Variants in CFAP47 observed in about 807,000 individuals in gnomAD.
CFAP47 encodes cilia- and flagella-associated protein 47.
Under a neutral mutation model 148.1 loss-of-function variants are expected in CFAP47, and 29 were observed. The observed-to-expected ratio is 0.20, with a 90% CI of 0.15 to 0.27. The LOEUF (loss-of-function observed/expected upper bound fraction) is 0.27, where lower values mean the gene tolerates loss of function less well. Ranked by LOEUF, CFAP47 falls within the 10% of genes least tolerant of loss-of-function variation. The pLI is 1.00. For missense variants in CFAP47, 1,872 were observed against 1,697.5 expected (o/e 1.10, Z -1.81); for synonymous variants, 664 against 577.3 (o/e 1.15, Z -2.15).
At chrX:36,190,996 G>T (rs893066616) in intron 42 of CFAP47, among the ~76,000 whole-genome samples, 1 of 111,534 alleles carries the variant, frequency 9.0e-6, no homozygotes, top group Non-Finnish European at 1.9e-5. Context: ...AAGAGGTATT[G>T]TACTTACCTG....
At chrX:36,340,947 G>A (rs73631104) in intron 57 of CFAP47, among the ~76,000 whole-genome samples, 2,054 of 109,792 alleles carry the variant, frequency 0.019, 46 homozygotes, top group African/African-American at 0.064. Flanking sequence ...ATAAAAACAA[G>A]TATTCTTAAT....
At chrX:36,085,642 C>T (rs973166581) in intron 30 of CFAP47, 104 bp downstream of exon 30, 54 of 173,472 alleles carry the variant, frequency 3.1e-4, no homozygotes, top group Non-Finnish European at 5.7e-4. Flanking sequence ...TCTAACCAAA[C>T]ACACACACAC....
intron 26 of CFAP47, among the ~76,000 whole-genome samples, chrX:36,054,639 A>G (rs1344180749): frequency 8.9e-6 from 1 of 111,877 alleles, no homozygotes; most frequent in Admixed American, 9.5e-5. Flanking sequence ...ATAGAAACCA[A>G]TATAAAAAAT....
rs1188987905 is a variant in CFAP47 at position 35,960,380 on chromosome X, G to GAAAAAAAAAAAAAAAAA, written c.1410+4195_1410+4211dup. Among the ~76,000 whole-genome samples, 37 of 15,482 alleles carry GAAAAAAAAAAAAAAAAA rather than the reference G, an allele frequency of 2.4e-3. 7 individuals are homozygous for GAAAAAAAAAAAAAAAAA. The highest frequency in any genetic ancestry group is 8.1e-3 in the African/African-American group (31 of 3,812). The allele number at this position is 15,482 out of a possible 115,157, so 13.4% of individuals were successfully genotyped here. ...CTTTAACATTAGCTTGCTAATTTCTGAAAAAAAAAAAAAAAAAAAAAAAAA... is the reference window on the plus strand; with the variant it reads ...CTTTAACATTAGCTTGCTAATTTCTGAAAAAAAAAAAAAAAAAAAAAAAAAAAAAAAAAAAAAAAAAA... On this transcript the variant is annotated intron_variant, in intron 8 of 63. Coordinates refer to ENST00000378653, the MANE Select transcript of CFAP47 (RefSeq NM_001304548.2).
intron 40 of CFAP47, among the ~76,000 whole-genome samples, chrX:36,185,580 TAA>T (rs1187467138): frequency 1.8e-5 from 2 of 112,197 alleles, no homozygotes; most frequent in African/African-American, 6.5e-5. Context: ...TAGCGTTTTC[TAA>T]ACACATAAGA....
intron 51 of CFAP47, among the ~76,000 whole-genome samples, chrX:36,298,333 C>T (rs1472798622): frequency 9.9e-6 from 1 of 100,898 alleles, no homozygotes; most frequent in African/African-American, 3.6e-5. Context: ...ACCGCATGTT[C>T]TCACTCATAG....
At chrX:36,055,037 G>T (rs1300192773) in intron 26 of CFAP47, among the ~76,000 whole-genome samples, 1 of 107,890 alleles carries the variant, frequency 9.3e-6, no homozygotes, top group African/African-American at 3.4e-5. Flanking sequence ...CTCCCAAAGT[G>T]CTGGGATTAC....
intron 45 of CFAP47, among the ~76,000 whole-genome samples, chrX:36,222,428 G>A (rs1555990895): frequency 9.1e-6 from 1 of 109,296 alleles, no homozygotes; most frequent in Non-Finnish European, 1.9e-5. Flanking sequence ...AATAGAAAAG[G>A]AAAAGTAGTT....
intron 22 of CFAP47, among the ~76,000 whole-genome samples, chrX:36,020,154 CTCT>C (rs1438960278): frequency 9.0e-6 from 1 of 111,345 alleles, no homozygotes; most frequent in Admixed American, 9.5e-5. Flanking sequence ...TCCAAAATTC[CTCT>C]TATTATTGAT....
chrX:35,961,694 C>A (rs1424080519), intron 8 of CFAP47, among the ~76,000 whole-genome samples: 3 of 110,970 alleles, frequency 2.7e-5, no homozygotes, highest in African/African-American at 9.8e-5. Context: ...CTGATTTTAG[C>A]AAAGTTAGTC....
rs1194478361 is a variant in CFAP47 at position 35,951,212 on chromosome X, G to A, written c.738G>A (p.Met246Ile). The part of the protein sequence containing the change: ...VVEQIIELLS[M>I]SSDRRLECIH... ...AGCAGATTATTGAATTATTAAGCAT[G>A]AGTAGTGACAGAAGGCTGGAATGCA... is the stretch of plus-strand genomic sequence containing the variant. Residue 246 changes from methionine (M) to isoleucine (I), a missense_variant, in exon 5 of 64, where the codon ATG (methionine) becomes ATA (isoleucine). Transcript: ENST00000378653. 1 of 1,210,181 alleles carries A rather than the reference G, an allele frequency of 8.3e-7. No individual in the cohort carries two copies. The highest frequency in any genetic ancestry group is 3.0e-5 in the East Asian group (1 of 33,792).
chrX:36,064,570 C>T (rs1340272727), intron 26 of CFAP47, among the ~76,000 whole-genome samples: 1 of 111,689 alleles, frequency 9.0e-6, no homozygotes, highest in East Asian at 2.8e-4. Flanking sequence ...CAGCTATGAA[C>T]ATTTTTTTAC....
At position 36,238,843 on chromosome X, in the gene CFAP47, A is replaced by G. The variant is rs782361865; in HGVS notation, c.7332+1984A>G. 7.2e-5 allele frequency among the ~76,000 whole-genome samples: 8 copies of G among 111,644 alleles called. No homozygotes were observed. The South Asian group carries it at 2.6e-3, about 37-fold the overall frequency. ...TCATCTAAATACAAATACCAAATTC[A>G]TACTTTTATTCAAGATGTACATGTA... On this transcript the variant is annotated intron_variant, in intron 48 of 63. Coordinates refer to ENST00000378653, the MANE Select transcript of CFAP47 (RefSeq NM_001304548.2).
chrX:35,953,153 G>T (rs149624428), intron 6 of CFAP47, among the ~76,000 whole-genome samples: 2 of 112,125 alleles, frequency 1.8e-5, no homozygotes, highest in Admixed American at 9.5e-5. Context: ...CACAACAAGA[G>T]CATGGCTGGC....
intron 25 of CFAP47, among the ~76,000 whole-genome samples, chrX:36,041,148 A>C (rs891885982): frequency 2.7e-5 from 3 of 111,409 alleles, no homozygotes; most frequent in African/African-American, 9.8e-5. Flanking sequence ...GTAGAAATTA[A>C]AGGAATATAA....
chrX:36,100,002 T>C, intron 32 of CFAP47, 123 bp downstream of exon 32: 1 of 400,968 alleles, frequency 2.5e-6, no homozygotes, highest in Non-Finnish European at 4.2e-6. Context: ...AGAGATTTTT[T>C]TTTATTGCTT....
intron 22 of CFAP47, among the ~76,000 whole-genome samples, chrX:36,023,315 G>A (rs1937180608): frequency 8.9e-6 from 1 of 111,916 alleles, no homozygotes; most frequent in South Asian, 3.7e-4. Context: ...AATGAACAGA[G>A]TCTCTCTCTC....
intron 56 of CFAP47, among the ~76,000 whole-genome samples, chrX:36,312,968 C>T (rs192933314): frequency 9.0e-6 from 1 of 110,993 alleles, no homozygotes; most frequent in African/African-American, 3.3e-5. Flanking sequence ...ATGGCATCTC[C>T]CTTTCTGTTA....
intron 45 of CFAP47, among the ~76,000 whole-genome samples, chrX:36,220,665 G>A (rs781827762): frequency 3.6e-5 from 4 of 110,777 alleles, no homozygotes; most frequent in African/African-American, 1.3e-4. Context: ...ACCTAAGACA[G>A]ATAAATTTCT....
Sources: allele counts gnomAD v4.1 joint callset (sites outside exome capture counted in the v4.1 genomes callset), GRCh38; gene constraint gnomAD v4.1.1; transcripts MANE v1.5; gene names NCBI Gene and HGNC (gene_info 2026-07-23, HGNC 2026-07-21).